MYBPC3: variants seen among roughly 807,000 people sequenced by gnomAD.
MYBPC3 encodes the protein myosin-binding protein C, cardiac-type.
MYBPC3 carries 108 observed loss-of-function variants against 159.3 expected under a neutral mutation model. The ratio of observed to expected loss-of-function variants is 0.68; its 90% CI spans 0.58 to 0.80. The LOEUF is 0.80. MYBPC3 is among the 30% of genes least tolerant of loss of function. MYBPC3 has a pLI of 0.00. For missense variants in MYBPC3, 1,631 were observed against 1,762.1 expected (o/e 0.93, Z 1.33); for synonymous variants, 730 against 702.0 (o/e 1.04, Z -0.63).
chr11:47,352,522 GT>G, intron 1 of MYBPC3, 100 bp downstream of exon 1: 1 of 1,483,406 alleles, frequency 6.7e-7, no homozygotes, highest in Non-Finnish European at 9.1e-7. Context: ...CAGAGGCCAC[GT>G]CCTCGTCAAC....
rs916940046 is a variant in MYBPC3 at position 47,339,939 on chromosome 11, G to A, written c.1928-149C>T. The A allele has an allele frequency of 7.4e-6, 6 of 810,022 alleles. No individual in the cohort carries two copies. In the African/African-American group the frequency reaches 8.7e-5, roughly 12 times the overall value. 50.2% of individuals were successfully genotyped at this position (810,022 alleles called of 1,614,324 possible). A position where few individuals can be genotyped will look rare whatever the true frequency, so the allele number is the denominator to read the frequency against. On this transcript the variant is annotated intron_variant, in intron 20 of 34. Transcript: ENST00000545968. ...AGTTTATGCTCAGATCTGACAGTAG[G>A]CTGAGTTCTGACAGATGAATACACC...
At position 47,338,667 on chromosome 11, in the gene MYBPC3, T is replaced by G. The variant is rs768993308; in HGVS notation, c.2161A>C (p.Thr721Pro). ...GTCTCCACGCGGACCCGGCCCTCGG[T>G]CTCACACAGCAGCTGGGGGGGTGCA... Reference protein sequence around the residue: ...WVFDKKLLCETEGRVRVETTK... With the variant: ...WVFDKKLLCEPEGRVRVETTK... The change falls in exon 23 of 35, where the codon ACC (threonine) becomes CCC (proline). Residue 721 changes from threonine (T) to proline (P), a missense_variant. By Grantham distance (38) the Thr-to-Pro change is conservative. Coordinates refer to ENST00000545968, the MANE Select transcript of MYBPC3 (RefSeq NM_000256.3). This position sits in a 1 kb window ranked among gnomAD's most constrained non-coding sequence, Gnocchi z 4.7. 1 of 1,612,312 alleles carries G rather than the reference T, an allele frequency of 6.2e-7. No individual in the cohort carries two copies. Among genetic ancestry groups the G allele is most frequent in the Non-Finnish European group, 8.5e-7 (1 of 1,179,104 alleles).
intron 5 of MYBPC3, among the ~76,000 whole-genome samples, 157 bp from the exon 6 acceptor site, chr11:47,348,698 G>C (rs988706417): frequency 7.3e-5 from 11 of 151,634 alleles, no homozygotes; most frequent in African/African-American, 2.4e-4. Flanking sequence ...AAGACCAGGA[G>C]CTCCAGACCA....
intron 13 of MYBPC3, 75 bp downstream of exon 13, chr11:47,343,417 G>A: frequency 6.6e-7 from 1 of 1,513,538 alleles, no homozygotes; most frequent in Non-Finnish European, 8.9e-7. Flanking sequence ...AGATACGCAT[G>A]TGGAGAGGGG....
chr11:47,334,959 C>T, intron 27 of MYBPC3, 83 bp downstream of exon 27: 1 of 1,373,048 alleles, frequency 7.3e-7, no homozygotes, highest in Middle Eastern at 2.0e-4. Flanking sequence ...TTCTGGGCCT[C>T]CCCAACTGTC....
intron 21 of MYBPC3, 83 bp downstream of exon 21, chr11:47,339,567 TG>T: frequency 6.7e-7 from 1 of 1,485,188 alleles, no homozygotes; most frequent in Non-Finnish European, 9.1e-7. Context: ...CACATGTGGG[TG>T]GGGTGTGCAG....
Position 47,346,080 on chromosome 11 carries a change from G to C in MYBPC3, c.1090+127C>G. On this transcript the variant is annotated intron_variant, in intron 12 of 34. Coordinates refer to ENST00000545968, the MANE Select transcript of MYBPC3 (RefSeq NM_000256.3). This position sits in a 1 kb window ranked among gnomAD's most constrained non-coding sequence, Gnocchi z 5.3. ...CTCCGCTCTTTCCATGTATGTGGAC[G>C]AGGTGGGGGGCTAACCTGTGCCCTC... The C allele has an allele frequency of 7.7e-7, 1 of 1,304,104 alleles. No homozygotes were observed. The highest frequency in any genetic ancestry group is 1.6e-5 in the South Asian group (1 of 63,660). The allele number at this position is 1,304,104 out of a possible 1,614,324, so 80.8% of individuals were successfully genotyped here.
At chr11:47,350,152 C>T (rs998428491) in intron 3 of MYBPC3, 40 bp from the exon 4 acceptor site, 2 of 1,536,886 alleles carry the variant, frequency 1.3e-6, no homozygotes, top group Non-Finnish European at 8.8e-7. Context: ...GAGATGGAGT[C>T]TTGCTCTGTC....
chr11:47,347,066 G>T, intron 9 of MYBPC3, 37 bp from the exon 10 acceptor site: 1 of 863,344 alleles, frequency 1.2e-6, no homozygotes, highest in Non-Finnish European at 2.0e-6. Context: ...TGGAGGGGCC[G>T]GGGGAGAGGG....
Position 47,339,654 on chromosome 11 carries a change from C to G in MYBPC3, c.2064G>C (p.Thr688=), listed in dbSNP as rs758224257. 1 of 1,594,246 alleles carries G rather than the reference C, an allele frequency of 6.3e-7. No individual in the cohort carries two copies. Among genetic ancestry groups the G allele is most frequent in the East Asian group, 2.3e-5 (1 of 44,210 alleles). Residue 688 remains threonine, a synonymous_variant, in exon 21 of 35, where the codon ACG becomes ACC. Coordinates refer to ENST00000545968, the MANE Select transcript of MYBPC3 (RefSeq NM_000256.3). ...ACTGAGGAGGGACCCACAGTACCTG[C>G]GTGATAGCCTTCTGCCAGATCACAG... ...APTVIWQKAI[T]QGNKAPARPA...
chr11:47,340,174 CAT>C (rs2095886971), intron 20 of MYBPC3, among the ~76,000 whole-genome samples: 1 of 151,658 alleles, frequency 6.6e-6, no homozygotes, highest in Non-Finnish European at 1.5e-5. Flanking sequence ...CACATACACA[CAT>C]GCACACACAG....
Position 47,339,311 on chromosome 11 carries a change from C to G in MYBPC3, c.2148+13G>C. 1 of 1,613,700 alleles carries G rather than the reference C, an allele frequency of 6.2e-7. No homozygotes were observed. Among genetic ancestry groups the G allele is most frequent in the Non-Finnish European group, 8.5e-7 (1 of 1,179,560 alleles). ...AGACAAACGAGCCTCCTCCTGACCT[C>G]AGTCTCACTCACCTTCTTGTCAAAC... On this transcript the variant is annotated intron_variant, in intron 22 of 34. Transcript: ENST00000545968.
At position 47,343,494 on chromosome 11, in the gene MYBPC3, G is replaced by T. The variant is rs1363326088; in HGVS notation, c.1221C>A (p.Gly407=). The change falls in exon 13 of 35, where the codon GGC becomes GGA. Residue 407 remains glycine, a splice_region_variant and synonymous_variant. Transcript: ENST00000545968. The part of the protein sequence containing the change: ...LKNGQEIQMS[G]SKYIFESIGA... ...CCCCTCCCCACCCCAGGCTGCACCT[G>T]CCGCTCATCTGGATCTCCTGGCCAT... The T allele has an allele frequency of 6.3e-7, 1 of 1,586,392 alleles. No individual in the cohort carries two copies. The highest frequency in any genetic ancestry group is 1.2e-5 in the South Asian group (1 of 86,920).
chr11:47,348,393 G>A (rs765184720), intron 6 of MYBPC3, 31 bp downstream of exon 6: 50 of 1,533,532 alleles, frequency 3.3e-5, no homozygotes, highest in Admixed American at 5.4e-5. Context: ...TGGGGAGCCC[G>A]AGCCCAGGAC....
At chr11:47,347,105 G>T (rs1595848170) in intron 9 of MYBPC3, 76 bp from the exon 10 acceptor site, 3 of 1,115,798 alleles carry the variant, frequency 2.7e-6, no homozygotes, top group Non-Finnish European at 2.7e-6. Context: ...ACATAAGTCA[G>T]TTGGGCCGAC....
In MYBPC3 at chr11:47,347,504, G is replaced by A. The variant is rs777810104; in HGVS notation, c.852-25C>T. 1.1e-5 allele frequency: 17 copies of A among 1,590,352 alleles called. No individual in the cohort carries two copies. The South Asian group carries it at 1.7e-4, about 16-fold the overall frequency. ...ACTATGGAGAGGGACCCCCAGTGAG[G>A]CTGCAGTGAGGGACTGGAAAGGGAT... On this transcript the variant is annotated intron_variant, in intron 8 of 34. Transcript: ENST00000545968.
rs576036561 is a variant in MYBPC3 at position 47,335,300 on chromosome 11, G to A, written c.2738-91C>T. The A allele has an allele frequency of 2.2e-3, 2,231 of 1,025,934 alleles. 3 individuals are homozygous for A. The highest frequency in any genetic ancestry group is 2.6e-3 in the Non-Finnish European group (1,950 of 756,604). The allele number at this position is 1,025,934 out of a possible 1,614,324, so 63.6% of individuals were successfully genotyped here. A position where few individuals can be genotyped will look rare whatever the true frequency, so the allele number is the denominator to read the frequency against. On this transcript the variant is annotated intron_variant, in intron 26 of 34. Coordinates refer to ENST00000545968, the MANE Select transcript of MYBPC3 (RefSeq NM_000256.3). ...CCACTCCTCTGATAGGAATCTCCAGGATTTAAATATGTTTTTTTAAATTTT... is the reference window on the plus strand; with the variant it reads ...CCACTCCTCTGATAGGAATCTCCAGAATTTAAATATGTTTTTTTAAATTTT...
intron 6 of MYBPC3, 54 bp from the exon 7 acceptor site, chr11:47,347,959 A>G (rs945491319): frequency 4.7e-5 from 71 of 1,515,068 alleles, no homozygotes; most frequent in Non-Finnish European, 6.2e-5. Flanking sequence ...GGGCCGTTTG[A>G]GAAGCCCTGC....
chr11:47,341,269 G>C, intron 18 of MYBPC3, 25 bp from the exon 19 acceptor site: 1 of 1,542,266 alleles, frequency 6.5e-7, no homozygotes, highest in Non-Finnish European at 8.8e-7. Context: ...TGGCTCAGGG[G>C]ACCCCACTGG....
Sources: gnomAD v4.1 joint callset for allele counts (sites outside exome capture counted in the v4.1 genomes callset) on GRCh38, gnomAD v4.1.1 for gene constraint, Gnocchi (gnomAD v3.1) non-coding constraint, MANE v1.5 for transcripts, NCBI Gene and HGNC (gene_info 2026-07-23, HGNC 2026-07-21) for gene names.